WDR5: variants seen among roughly 807,000 people sequenced by gnomAD.
The protein encoded by WDR5 is WD repeat-containing protein 5.
For synonymous variants in WDR5, 144 were observed against 161.6 expected (o/e 0.89, Z 0.83); for missense variants, 187 against 416.9 (o/e 0.45, Z 4.80).
At chr9:134,147,865 A>G (rs1017011449) in intron 7 of WDR5, among the ~76,000 whole-genome samples, 1 of 148,782 alleles carries the variant, frequency 6.7e-6, no homozygotes, top group Non-Finnish European at 1.5e-5. Flanking sequence ...CTTATGAAGA[A>G]AAAAAAAAGG....
chr9:134,159,940 T>C lies in WDR5; in HGVS notation c.*1947T>C, dbSNP rs1276717029. 1 of 152,268 alleles carries C rather than the reference T, an allele frequency of 6.6e-6. No homozygotes were observed. Among genetic ancestry groups the C allele is most frequent in the Middle Eastern group, 3.2e-3 (1 of 316 alleles). The allele number at this position is 152,268 out of a possible 1,614,324, so 9.4% of individuals were successfully genotyped here. A position where few individuals can be genotyped will look rare whatever the true frequency, so the allele number is the denominator to read the frequency against. On this transcript the variant is annotated 3_prime_UTR_variant, in exon 14 of 14. Transcript: ENST00000358625. The surrounding 1 kb of genome is among the most constrained non-coding windows in gnomAD (Gnocchi z 4.3). ...AGATTTATGTAAAAATACATTCTTT[T>C]TGAAAATAAAAATTTTCATGTCTTC...
intron 9 of WDR5, among the ~76,000 whole-genome samples, chr9:134,152,880 CTTACCCTGGCTTCACACCAG>C (rs1832564954): frequency 6.6e-6 from 1 of 152,182 alleles, no homozygotes; most frequent in African/African-American, 2.4e-5. Context: ...TAGACGCTGC[CTTACCCTGGCTTCACACCAG>C]TGTCCCTGGT....
intron 8 of WDR5, 133 bp downstream of exon 8, chr9:134,148,476 C>T: frequency 1.3e-6 from 1 of 763,816 alleles, no homozygotes; most frequent in Non-Finnish European, 2.1e-6. Flanking sequence ...TCTCTTCTGG[C>T]CACGCTGCAG....
At position 134,157,619 on chromosome 9, in the gene WDR5, G is replaced by T. The variant is rs943972669; in HGVS notation, c.905-274G>T. On this transcript the variant is annotated intron_variant, in intron 13 of 13. Transcript: ENST00000358625. This position sits in a 1 kb window ranked among gnomAD's most constrained non-coding sequence, Gnocchi z 5.0. ...AGCTGCTGTTGGTGGGGGCGTGTGG[G>T]GCTCCTGGTCTGCAGGCAGGGCTGG... is the stretch of plus-strand genomic sequence containing the variant. 2.0e-5 allele frequency among the ~76,000 whole-genome samples: 3 copies of T among 152,092 alleles called. No individual in the cohort carries two copies. In the East Asian group the frequency reaches 5.8e-4, roughly 29 times the overall value.
At chr9:134,150,352 T>C (rs1454650588) in intron 8 of WDR5, among the ~76,000 whole-genome samples, 1 of 152,228 alleles carries the variant, frequency 6.6e-6, no homozygotes, top group Non-Finnish European at 1.5e-5. Context: ...CTGTCTGTTA[T>C]TAATTAGTAG....
intron 3 of WDR5, 141 bp downstream of exon 3, chr9:134,140,952 G>A: frequency 1.3e-6 from 1 of 761,490 alleles, no homozygotes; most frequent in Non-Finnish European, 2.2e-6. Context: ...AGGCGGGTGT[G>A]TCTCCTCCTG....
At chr9:134,141,611 T>A in intron 4 of WDR5, 28 bp downstream of exon 4, 3 of 1,612,646 alleles carry the variant, frequency 1.9e-6, no homozygotes, top group Non-Finnish European at 2.5e-6. Context: ...GCGGTGAAGT[T>A]GACTGTTGAA....
chr9:134,139,170 G>A (rs965745659), intron 1 of WDR5, among the ~76,000 whole-genome samples: 1 of 152,212 alleles, frequency 6.6e-6, no homozygotes, highest in African/African-American at 2.4e-5. Flanking sequence ...CCAGCAGGCA[G>A]AGCTGCCTCT....
At position 134,142,333 on chromosome 9, in the gene WDR5, G is replaced by A; in HGVS notation, c.355G>A (p.Gly119Ser). Residue 119 changes from glycine (G) to serine (S), a missense_variant and splice_region_variant, in exon 6 of 14, where the codon GGC becomes AGC. By Grantham distance (56) the Gly-to-Ser change is moderately conservative (BLOSUM62 0). Coordinates refer to ENST00000358625, the MANE Select transcript of WDR5 (RefSeq NM_017588.3). Reference protein sequence around the residue: ...KTLKIWDVSSGKCLKTLKGHS... With the variant: ...KTLKIWDVSSSKCLKTLKGHS... The stretch of plus-strand genomic sequence containing the variant: ...TAATCCTAATAATACTCTGTTATAG[G>A]GCAAGTGTCTGAAAACCCTGAAGGG... 2 of 1,613,516 alleles carry A rather than the reference G, an allele frequency of 1.2e-6. No homozygotes were observed. Among genetic ancestry groups the A allele is most frequent in the Non-Finnish European group, 1.7e-6 (2 of 1,179,646 alleles).
chr9:134,156,698 C>T (rs2132590600), intron 13 of WDR5, 105 bp downstream of exon 13: 1 of 1,108,060 alleles, frequency 9.0e-7, no homozygotes, highest in African/African-American at 1.5e-5. Context: ...TTCCCCTTCC[C>T]ACCTCAGCCC....
intron 9 of WDR5, 79 bp from the exon 10 acceptor site, chr9:134,154,387 G>T: frequency 6.9e-7 from 1 of 1,441,156 alleles, no homozygotes; most frequent in South Asian, 1.2e-5. Flanking sequence ...GCACGTGGGG[G>T]ATGGGGAGCG....
intron 7 of WDR5, 144 bp from the exon 8 acceptor site, chr9:134,148,144 G>T: frequency 1.6e-6 from 1 of 632,806 alleles, no homozygotes; most frequent in Non-Finnish European, 2.5e-6. Flanking sequence ...GACAGAGCGA[G>T]ACTCTTTCTG....
At position 134,157,590 on chromosome 9, in the gene WDR5, G is replaced by T. The variant is rs1339584142; in HGVS notation, c.905-303G>T. 6.6e-6 allele frequency among the ~76,000 whole-genome samples: 1 copy of T among 152,142 alleles called. No individual in the cohort carries two copies. Among genetic ancestry groups the T allele is most frequent in the Admixed American group, 6.5e-5 (1 of 15,276 alleles). ...TGCTGCCGCGCTCCTCCTTGTGGGC[G>T]CCGAGCTGCTGTTGGTGGGGGCGTG... On this transcript the variant is annotated intron_variant, in intron 13 of 13. Transcript: ENST00000358625. The surrounding 1 kb of genome is among the most constrained non-coding windows in gnomAD (Gnocchi z 5.0).
At position 134,139,824 on chromosome 9, in the gene WDR5, C is replaced by G; in HGVS notation, c.-54C>G. 1.3e-6 allele frequency: 2 copies of G among 1,587,010 alleles called. No homozygotes were observed. The highest frequency in any genetic ancestry group is 1.7e-6 in the Non-Finnish European group (2 of 1,156,800). On this transcript the variant is annotated 5_prime_UTR_variant, in exon 2 of 14. Transcript: ENST00000358625. ...GTTCTGCATCTCGCTCAACAGACTGCCTCTGTCACCGGGTCCCTCCACCCT... is the reference window on the plus strand; with the variant it reads ...GTTCTGCATCTCGCTCAACAGACTGGCTCTGTCACCGGGTCCCTCCACCCT...
chr9:134,153,157 T>C (rs1187939110), intron 9 of WDR5, among the ~76,000 whole-genome samples: 1 of 152,186 alleles, frequency 6.6e-6, no homozygotes, highest in Non-Finnish European at 1.5e-5. Context: ...ACGGGCCACC[T>C]GTGCTCAGTT....
chr9:134,140,869 A>G (rs1831848726), intron 3 of WDR5, 58 bp downstream of exon 3: 14 of 1,539,318 alleles, frequency 9.1e-6, no homozygotes, highest in Admixed American at 5.0e-5. Context: ...GCAGACAAAA[A>G]GCTGGCGAGG....
At position 134,155,344 on chromosome 9, in the gene WDR5, C is replaced by T; in HGVS notation, c.712C>T (p.Leu238=). 1.9e-6 allele frequency: 3 copies of T among 1,607,070 alleles called. No individual in the cohort carries two copies. In the South Asian group the frequency reaches 3.3e-5, roughly 18 times the overall value. Reference sequence around the variant, plus strand: ...ACCCCTCTCTCTGTCTTGCAGCACTCTGAAGCTCTGGGACTACAGCAAGGG... The same window carrying T: ...ACCCCTCTCTCTGTCTTGCAGCACTTTGAAGCTCTGGGACTACAGCAAGGG... ...YILAATLDNT[L]KLWDYSKGKC... The change falls in exon 11 of 14, where the codon CTG becomes TTG. Residue 238 remains leucine, a synonymous_variant. Coordinates refer to ENST00000358625, the MANE Select transcript of WDR5 (RefSeq NM_017588.3).
chr9:134,142,413 C>T lies in WDR5; in HGVS notation c.435C>T (p.Val145=), dbSNP rs1289042901. The part of the protein sequence containing the change: ...CNFNPQSNLI[V]SGSFDESVRI... ...TCAATCCCCAGTCCAACCTTATTGT[C>T]TCAGGATCCGTAAGTGTGGCTGGGG... is the stretch of plus-strand genomic sequence containing the variant. The change falls in exon 6 of 14, where the codon GTC becomes GTT. Residue 145 remains valine, a synonymous_variant. Coordinates refer to ENST00000358625, the MANE Select transcript of WDR5 (RefSeq NM_017588.3). 1 of 1,614,162 alleles carries T rather than the reference C, an allele frequency of 6.2e-7. No individual in the cohort carries two copies. Among genetic ancestry groups the T allele is most frequent in the South Asian group, 1.1e-5 (1 of 91,088 alleles).
At chr9:134,141,617 T>C in intron 4 of WDR5, 34 bp downstream of exon 4, 1 of 1,608,800 alleles carries the variant, frequency 6.2e-7, no homozygotes, top group South Asian at 1.1e-5. Flanking sequence ...AAGTTGACTG[T>C]TGAACAGGGT....
Sources: gnomAD v4.1 joint callset for allele counts (sites outside exome capture counted in the v4.1 genomes callset) on GRCh38, gnomAD v4.1.1 for gene constraint, Gnocchi (gnomAD v3.1) non-coding constraint, MANE v1.5 for transcripts, NCBI Gene and HGNC (gene_info 2026-07-23, HGNC 2026-07-21) for gene names.